The following COL1A2 variants were observed in gnomAD, a reference collection of about 807,000 sequenced individuals.
The protein encoded by COL1A2 is collagen alpha-2(I) chain.
Under a neutral mutation model 174.3 loss-of-function variants are expected in COL1A2, and 49 were observed. That is an observed-to-expected ratio of 0.28 (90% confidence interval 0.22 to 0.36). The LOEUF (loss-of-function observed/expected upper bound fraction) is 0.36, where lower values mean the gene tolerates loss of function less well. Among genes scored for constraint, COL1A2 ranks in the 10% least tolerant of loss-of-function variants. The probability of loss-of-function intolerance (pLI) is 1.00; values close to 1 mark genes in which losing one functional copy is unlikely to be tolerated. For missense variants in COL1A2, 1,438 were observed against 1,822.7 expected, an observed-to-expected ratio of 0.79 and a Z score of 3.84; for synonymous variants, 655 against 606.6, an observed-to-expected ratio of 1.08 and a Z score of -1.17.
Position 94,399,044 on chromosome 7 carries a change from T to C in COL1A2, c.97-5T>C. The C allele has an allele frequency of 1.9e-6, 3 of 1,613,684 alleles. No homozygotes were observed. Among genetic ancestry groups the C allele is most frequent in the Non-Finnish European group, 2.5e-6 (3 of 1,179,614 alleles). ...ATTATTGTCCTGTTTGTATCTTTCC[T>C]GTAGGGCCCAGCCGGAGATAGAGGA... On this transcript the variant is annotated splice_polypyrimidine_tract_variant and splice_region_variant and intron_variant, in intron 3 of 51. Coordinates refer to ENST00000297268, the MANE Select transcript of COL1A2 (RefSeq NM_000089.4).
At chr7:94,422,726 G>C in intron 39 of COL1A2, 1 of 542,782 alleles carries the variant, frequency 1.8e-6, no homozygotes, top group South Asian at 2.1e-5. Flanking sequence ...ATAGAAATTT[G>C]CCATAGTCTC....
At position 94,410,229 on chromosome 7, in the gene COL1A2, T is replaced by C. The variant is rs776815593; in HGVS notation, c.1036-13T>C. 6.2e-7 allele frequency: 1 copy of C among 1,613,350 alleles called. No homozygotes were observed. Among genetic ancestry groups the C allele is most frequent in the South Asian group, 1.1e-5 (1 of 91,038 alleles). On this transcript the variant is annotated splice_polypyrimidine_tract_variant and intron_variant, in intron 19 of 51. Coordinates refer to ENST00000297268, the MANE Select transcript of COL1A2 (RefSeq NM_000089.4). ...TGTTTGTCCTTTGACCACTGTTCTG[T>C]ATTGAACCCTAGGGTGAGCCTGGTC...
intron 12 of COL1A2, 124 bp from the exon 13 acceptor site, chr7:94,407,723 T>C: frequency 3.7e-6 from 3 of 806,168 alleles, no homozygotes; most frequent in Non-Finnish European, 6.0e-6. Context: ...AAACAATCTA[T>C]ATGTGTAAGA....
At chr7:94,410,327 GTTAA>G (rs1377612984) in intron 20 of COL1A2, 32 bp downstream of exon 20, 32 of 1,613,146 alleles carry the variant, frequency 2.0e-5, no homozygotes, top group Non-Finnish European at 2.4e-5. Flanking sequence ...CTTTTATAAA[GTTAA>G]TTGTTTTTCT....
chr7:94,410,343 A>G, intron 20 of COL1A2, 48 bp downstream of exon 20: 1 of 1,609,182 alleles, frequency 6.2e-7, no homozygotes, highest in Non-Finnish European at 8.5e-7. Context: ...TGTTTTTCTC[A>G]TTCCAGTTTC....
chr7:94,429,590 A>G (rs939574785), intron 51 of COL1A2, 160 bp downstream of exon 51: 40 of 665,232 alleles, frequency 6.0e-5, no homozygotes, highest in East Asian at 8.3e-5. Context: ...TATGTATTTT[A>G]TATTTATTTA....
At chr7:94,423,223 C>A in intron 40 of COL1A2, 105 bp downstream of exon 40, 2 of 1,362,470 alleles carry the variant, frequency 1.5e-6, no homozygotes, top group Non-Finnish European at 2.1e-6. Context: ...GTATTGCAGG[C>A]TCTCAAGTAG....
In COL1A2 at chr7:94,423,195, G is replaced by C. The variant is rs376463176; in HGVS notation, c.2565+77G>C. The C allele has an allele frequency of 6.3e-5, 97 of 1,549,008 alleles. No homozygotes were observed. In the East Asian group the frequency reaches 1.9e-3, roughly 30 times the overall value. ...AAGCCCCTACACAAATCTTCAAGTG[G>C]CATCTATTTGTTGATGAGTATTGCA... On this transcript the variant is annotated intron_variant, in intron 40 of 51. Transcript: ENST00000297268.
rs948126709 is a variant in COL1A2, at chr7:94,421,252, A to G, written c.2349+190A>G. 71 of 660,232 alleles carry G rather than the reference A, an allele frequency of 1.1e-4. 1 individual carries two copies. The highest frequency in any genetic ancestry group is 6.4e-4 in the Admixed American group (26 of 40,686). The allele number at this position is 660,232 out of a possible 1,614,324, so 40.9% of individuals were successfully genotyped here. ...CAGCTGGAACTCAGTGTATGTTGCTATCAGCTCACTTGAGGTAATAACCAA... is the reference window on the plus strand; with the variant it reads ...CAGCTGGAACTCAGTGTATGTTGCTGTCAGCTCACTTGAGGTAATAACCAA... On this transcript the variant is annotated intron_variant, in intron 38 of 51. Transcript: ENST00000297268.
intron 26 of COL1A2, 37 bp from the exon 27 acceptor site, chr7:94,413,653 G>A: frequency 6.2e-7 from 1 of 1,603,686 alleles, no homozygotes. Flanking sequence ...TACCTGGCTT[G>A]CAGCTAACCA....
In COL1A2 at chr7:94,430,546, G is replaced by A. The variant is rs1792378072; in HGVS notation, c.*153G>A. 6.1e-6 allele frequency: 5 copies of A among 823,102 alleles called. No individual in the cohort carries two copies. The allele number at this position is 823,102 out of a possible 1,614,324, so 51.0% of individuals were successfully genotyped here. On this transcript the variant is annotated 3_prime_UTR_variant, in exon 52 of 52. Coordinates refer to ENST00000297268, the MANE Select transcript of COL1A2 (RefSeq NM_000089.4). Reference sequence around the variant, plus strand: ...TGGGCAAAAGAGAAAAAGAAGGATTGATCAGAGCATTGTGCAATACAGTTT... The same window carrying A: ...TGGGCAAAAGAGAAAAAGAAGGATTAATCAGAGCATTGTGCAATACAGTTT...
chr7:94,411,959 A>T lies in COL1A2; in HGVS notation c.1351-109A>T. The T allele has an allele frequency of 3.5e-6, 3 of 859,768 alleles. No homozygotes were observed. The South Asian group carries it at 4.3e-5, about 12-fold the overall frequency. The allele number at this position is 859,768 out of a possible 1,614,324, so 53.3% of individuals were successfully genotyped here. A position where few individuals can be genotyped will look rare whatever the true frequency, so the allele number is the denominator to read the frequency against. On this transcript the variant is annotated intron_variant, in intron 23 of 51. Coordinates refer to ENST00000297268, the MANE Select transcript of COL1A2 (RefSeq NM_000089.4). The stretch of plus-strand genomic sequence containing the variant: ...TATTCCTAATGATTTACCCTAGGCA[A>T]CAAACAAAAAGTCGGGGGAAAAGGT...
rs1179889558 is a variant in COL1A2, at chr7:94,419,689, C to T, written c.2079+138C>T. On this transcript the variant is annotated intron_variant, in intron 34 of 51. Transcript: ENST00000297268. ...TAAAAACCTAGCTATTGTGATAGAG[C>T]AGCAGGAAACAAATGCTGTGTGTTT... The T allele has an allele frequency of 5.4e-6, 5 of 920,562 alleles. No individual in the cohort carries two copies. The East Asian group carries it at 7.6e-5, about 14-fold the overall frequency. The allele number at this position is 920,562 out of a possible 1,614,324, so 57.0% of individuals were successfully genotyped here.
In COL1A2 at chr7:94,428,371, C is replaced by A. The variant is rs770720103; in HGVS notation, c.3605C>A (p.Thr1202Asn). The A allele has an allele frequency of 1.2e-6, 2 of 1,613,942 alleles. No homozygotes were observed. The highest frequency in any genetic ancestry group is 1.3e-5 in the African/African-American group (1 of 74,912). The stretch of plus-strand genomic sequence containing the variant: ...TACTGTGATTTCTCTACTGGCGAAA[C>A]CTGTATCCGGGCCCAACCTGAAAAC... ...KVYCDFSTGE[T>N]CIRAQPENIP... The change falls in exon 50 of 52, where the codon ACC (threonine) becomes AAC (asparagine). Residue 1202 changes from threonine (T) to asparagine (N), a missense_variant. Coordinates refer to ENST00000297268, the MANE Select transcript of COL1A2 (RefSeq NM_000089.4).
At chr7:94,414,734 C>A (rs1251931073) in intron 29 of COL1A2, among the ~76,000 whole-genome samples, 1 of 152,108 alleles carries the variant, frequency 6.6e-6, no homozygotes, top group African/African-American at 2.4e-5. Flanking sequence ...GATGAATGTG[C>A]CCCTATTTAG....
At chr7:94,414,327 C>G (rs1444525489) in intron 29 of COL1A2, 52 bp downstream of exon 29, 2 of 1,511,962 alleles carry the variant, frequency 1.3e-6, no homozygotes, top group South Asian at 1.1e-5. Context: ...GAGAATTTCC[C>G]CCTGTTTAAT....
intron 12 of COL1A2, among the ~76,000 whole-genome samples, chr7:94,407,022 C>A (rs921756278): frequency 6.6e-6 from 1 of 152,162 alleles, no homozygotes; most frequent in Non-Finnish European, 1.5e-5. Flanking sequence ...CCCGATATAA[C>A]AGCTCAGACT....
At chr7:94,426,872 G>A (rs1032204941) in intron 46 of COL1A2, 136 bp from the exon 47 acceptor site, 7 of 780,026 alleles carry the variant, frequency 9.0e-6, no homozygotes, top group African/African-American at 3.5e-5. Flanking sequence ...GGAGAAAAGA[G>A]CCCCACTTTA....
intron 6 of COL1A2, among the ~76,000 whole-genome samples, chr7:94,403,633 C>T (rs561184954): frequency 8.5e-5 from 13 of 152,134 alleles, no homozygotes; most frequent in African/African-American, 1.9e-4. Flanking sequence ...AAATGACATA[C>T]ATTTTAGATA....
Sources: gnomAD v4.1 joint callset for allele counts (sites outside exome capture counted in the v4.1 genomes callset) on GRCh38, gnomAD v4.1.1 for gene constraint, MANE v1.5 for transcripts, NCBI Gene and HGNC (gene_info 2026-07-23, HGNC 2026-07-21) for gene names.